The following TRIQK variants were observed in gnomAD, a reference collection of about 807,000 sequenced individuals.
TRIQK encodes the protein triple QxxK/R motif containing.
A neutral mutation model predicts 10.8 loss-of-function variants in TRIQK; 10 were observed. The observed-to-expected ratio is 0.92, with a 90% CI of 0.57 to 1.57. TRIQK has a LOEUF of 1.57. TRIQK is among the 40% of genes most tolerant of loss of function. The probability of loss-of-function intolerance (pLI) is 0.00; values close to 1 mark genes in which losing one functional copy is unlikely to be tolerated. For synonymous variants in TRIQK, 33 were observed against 33.7 expected (o/e 0.98, Z 0.07); for missense variants, 107 against 97.7 (o/e 1.09, Z -0.40).
rs151311699 is a variant in TRIQK at position 93,003,952 on chromosome 8, T to A, written c.-181+13657A>T. On this transcript the variant is annotated intron_variant, in intron 1 of 4. Transcript: ENST00000520686. Reference sequence around the variant, plus strand: ...AAGGCCTTAGGTAGCTCTCTCCCTGTGGCTTGCAGGGTGCAGCCCCCACAG... The same window carrying A: ...AAGGCCTTAGGTAGCTCTCTCCCTGAGGCTTGCAGGGTGCAGCCCCCACAG... Among the ~76,000 whole-genome samples, 298 of 152,352 alleles carry A rather than the reference T, an allele frequency of 2.0e-3. 4 individuals are homozygous for A. Among genetic ancestry groups the A allele is most frequent in the East Asian group, 0.018 (93 of 5,180 alleles).
intron 3 of TRIQK, among the ~76,000 whole-genome samples, chr8:92,906,915 TG>T (rs1809297307): frequency 6.6e-6 from 1 of 151,328 alleles, no homozygotes; most frequent in Admixed American, 6.6e-5. Flanking sequence ...AAAAAAATAC[TG>T]GACTTAGTGA....
At chr8:92,950,656 G>T (rs545929396) in intron 2 of TRIQK, among the ~76,000 whole-genome samples, 14 of 152,172 alleles carry the variant, frequency 9.2e-5, no homozygotes, top group Non-Finnish European at 2.1e-4. Flanking sequence ...AGATAAAACT[G>T]GTTCTGCCAT....
chr8:93,010,647 T>G (rs1399163013), intron 1 of TRIQK, among the ~76,000 whole-genome samples: 1 of 152,124 alleles, frequency 6.6e-6, no homozygotes, highest in African/African-American at 2.4e-5. Context: ...TCGCATCCAT[T>G]TAGTATAGAA....
chr8:92,961,341 G>T (rs1364796584), intron 1 of TRIQK, among the ~76,000 whole-genome samples: 1 of 151,900 alleles, frequency 6.6e-6, no homozygotes, highest in Non-Finnish European at 1.5e-5. Flanking sequence ...TCGGAAACTG[G>T]GAGGTTCTTT....
rs533025215 is a variant in TRIQK at position 93,015,384 on chromosome 8, A to G, written c.-181+2225T>C. On this transcript the variant is annotated intron_variant, in intron 1 of 4. Transcript: ENST00000520686. ...CATGTTTTATTTTTTTAAATAATTA[A>G]CCCTTTTCCCCATTATAAATTTTAC... Among the ~76,000 whole-genome samples, 50 of 151,670 alleles carry G rather than the reference A, an allele frequency of 3.3e-4. 1 individual carries two copies. The East Asian group carries it at 7.9e-3, about 24-fold the overall frequency.
intron 2 of TRIQK, among the ~76,000 whole-genome samples, chr8:92,923,076 A>G (rs1810267324): frequency 6.6e-6 from 1 of 151,840 alleles, no homozygotes; most frequent in Non-Finnish European, 1.5e-5. Context: ...ACTAATAAAC[A>G]CATTGAGGCT....
At chr8:92,898,036 A>C in intron 3 of TRIQK, among the ~76,000 whole-genome samples, 1 of 152,034 alleles carries the variant, frequency 6.6e-6, no homozygotes, top group East Asian at 1.9e-4. Flanking sequence ...TTCTATGGGC[A>C]TGTTGTTCCC....
intron 3 of TRIQK, among the ~76,000 whole-genome samples, chr8:92,904,720 G>A (rs1809158989): frequency 6.6e-6 from 1 of 152,100 alleles, no homozygotes; most frequent in South Asian, 2.1e-4. Context: ...GATTCCCAGA[G>A]ATTTTAACTG....
intron 1 of TRIQK, among the ~76,000 whole-genome samples, chr8:93,003,116 A>C (rs1342993743): frequency 6.6e-6 from 1 of 152,096 alleles, no homozygotes; most frequent in East Asian, 1.9e-4. Context: ...CATTAAAAAG[A>C]CTATTTACTC....
chr8:92,886,432 C>T lies in TRIQK; in HGVS notation c.*190G>A. 4.9e-6 allele frequency: 2 copies of T among 410,188 alleles called. No individual in the cohort carries two copies. Among genetic ancestry groups the T allele is most frequent in the East Asian group, 8.0e-5 (2 of 24,896 alleles). 25.4% of individuals were successfully genotyped at this position (410,188 alleles called of 1,614,324 possible). On this transcript the variant is annotated 3_prime_UTR_variant, in exon 5 of 5. Coordinates refer to ENST00000521988, the MANE Select transcript of TRIQK (RefSeq NM_001171797.2). The stretch of plus-strand genomic sequence containing the variant: ...AGATATATAAAAGTATCCAGTAGCA[C>T]ATACTATACTGCATTGCTAGGTAAG...
chr8:92,961,407 A>T (rs1812449460), intron 1 of TRIQK, among the ~76,000 whole-genome samples: 1 of 152,136 alleles, frequency 6.6e-6, no homozygotes, highest in Non-Finnish European at 1.5e-5. Context: ...TCCTCTGCCC[A>T]GAGAGATTCA....
At chr8:92,887,596 C>T (rs1816556027) in intron 4 of TRIQK, among the ~76,000 whole-genome samples, 1 of 151,296 alleles carries the variant, frequency 6.6e-6, no homozygotes, top group African/African-American at 2.4e-5. Flanking sequence ...AATAGAATGC[C>T]AGTTCAGTAT....
intron 2 of TRIQK, among the ~76,000 whole-genome samples, chr8:92,928,400 A>G (rs2130534761): frequency 6.6e-6 from 1 of 152,266 alleles, no homozygotes; most frequent in South Asian, 2.1e-4. Context: ...AGTACCACCT[A>G]TTCATTGGGA....
chr8:92,994,780 C>T (rs983744368), intron 1 of TRIQK, among the ~76,000 whole-genome samples: 10 of 151,946 alleles, frequency 6.6e-5, no homozygotes, highest in Non-Finnish European at 8.8e-5. Context: ...TGCTCCAATT[C>T]CTGTCAAAAT....
chr8:92,979,869 A>C (rs1458170500), intron 1 of TRIQK, among the ~76,000 whole-genome samples: 2 of 152,080 alleles, frequency 1.3e-5, no homozygotes, highest in Non-Finnish European at 2.9e-5. Context: ...ATTTGAAGTC[A>C]TGTAGCAATA....
intron 1 of TRIQK, among the ~76,000 whole-genome samples, chr8:92,993,816 ACTGT>A (rs1413571332): frequency 2.0e-5 from 3 of 152,292 alleles, no homozygotes; most frequent in South Asian, 2.1e-4. Flanking sequence ...CTAACTTGGA[ACTGT>A]CTATTAGGCT....
chr8:92,895,318 CA>C (rs1290771850), intron 3 of TRIQK, among the ~76,000 whole-genome samples: 3 of 152,042 alleles, frequency 2.0e-5, no homozygotes, highest in Non-Finnish European at 4.4e-5. Flanking sequence ...ATAGCAGCAC[CA>C]AATAGACTAA....
chr8:92,994,122 T>C (rs903299664), intron 1 of TRIQK, among the ~76,000 whole-genome samples: 1 of 152,212 alleles, frequency 6.6e-6, no homozygotes, highest in Non-Finnish European at 1.5e-5. Context: ...AAGAGGTATA[T>C]TAAAATCTCC....
intron 2 of TRIQK, among the ~76,000 whole-genome samples, chr8:92,949,531 AGAAGGAAG>A (rs59992773): frequency 0.15 from 21,906 of 145,492 alleles, 1,745 homozygotes; most frequent in South Asian, 0.21. Context: ...AAAGAAAGAA[AGAAGGAAG>A]GAAGGAAGGA....
Sources: gnomAD v4.1 joint callset for allele counts (sites outside exome capture counted in the v4.1 genomes callset) on GRCh38, gnomAD v4.1.1 for gene constraint, MANE v1.5 for transcripts, NCBI Gene and HGNC (gene_info 2026-07-23, HGNC 2026-07-21) for gene names.